The following INPP4B variants were observed in gnomAD, a reference collection of about 807,000 sequenced individuals.
The protein encoded by INPP4B is inositol polyphosphate-4-phosphatase type II B.
In INPP4B, 55 loss-of-function variants were observed where a neutral mutation model predicts 122.5. That is an observed-to-expected ratio of 0.45 (90% CI 0.36 to 0.56). The LOEUF (loss-of-function observed/expected upper bound fraction) is 0.56. Among genes scored for constraint, INPP4B ranks in the 20% least tolerant of loss-of-function variants. The probability of loss-of-function intolerance (pLI) is 0.00; values close to 1 mark genes in which losing one functional copy is unlikely to be tolerated. For missense variants in INPP4B, 1,000 were observed against 1,097.7 expected (o/e 0.91, Z 1.26); for synonymous variants, 403 against 388.7 (o/e 1.04, Z -0.43).
At chr4:142,162,901 T>C (rs1820802006) in intron 16 of INPP4B, among the ~76,000 whole-genome samples, 1 of 151,914 alleles carries the variant, frequency 6.6e-6, no homozygotes, top group Non-Finnish European at 1.5e-5. Flanking sequence ...GGAAACTCTC[T>C]GGATCACCAG....
chr4:142,673,836 A>G (rs557385823), intron 2 of INPP4B, among the ~76,000 whole-genome samples: 351 of 152,246 alleles, frequency 2.3e-3, no homozygotes, highest in African/African-American at 7.8e-3. Context: ...AGAAAGAGCT[A>G]TTCCTAGATG....
chr4:142,371,645 CAAAAG>C (rs1236163783), intron 7 of INPP4B, among the ~76,000 whole-genome samples: 1 of 151,758 alleles, frequency 6.6e-6, no homozygotes, highest in African/African-American at 2.4e-5. Context: ...AGACATTTCT[CAAAAG>C]AAGACAAATT....
chr4:142,232,379 T>G (rs1854774922), intron 12 of INPP4B, among the ~76,000 whole-genome samples: 1 of 152,170 alleles, frequency 6.6e-6, no homozygotes, highest in South Asian at 2.1e-4. Flanking sequence ...TTAGAACTGT[T>G]GCAATGTTTT....
chr4:142,081,464 T>C (rs1773870762), intron 25 of INPP4B, among the ~76,000 whole-genome samples: 1 of 152,146 alleles, frequency 6.6e-6, no homozygotes. Flanking sequence ...AGAGTAACCA[T>C]ATTAATTCTC....
In INPP4B at chr4:142,123,257, A is replaced by AATGTGAT. The variant is rs780465374; in HGVS notation, c.2017+28_2017+34dup. On this transcript the variant is annotated intron_variant, in intron 20 of 25. Transcript: ENST00000262992. ...TGGATTAAATGTCCTTCTGAATAGA[A>AATGTGAT]ATGTGATTTTAACTTGTACTAAAGC... 7 of 1,505,152 alleles carry AATGTGAT rather than the reference A, an allele frequency of 4.7e-6. No individual in the cohort carries two copies. The African/African-American group carries it at 9.8e-5, about 21-fold the overall frequency. 93.2% of individuals were successfully genotyped at this position (1,505,152 alleles called of 1,614,324 possible).
chr4:142,209,004 C>A lies in INPP4B; in HGVS notation c.859G>T (p.Gly287Cys). Residue 287 changes from glycine (G) to cysteine (C), a missense_variant, in exon 13 of 26, where the codon GGT (glycine) becomes TGT (cysteine). By Grantham distance (159) the Gly-to-Cys change is radical. Coordinates refer to ENST00000262992, the MANE Select transcript of INPP4B (RefSeq NM_001101669.3). Reference sequence around the variant, plus strand: ...TTGTCCCAATGTGGAGAAAGCTCACCAAGTTCTTTTATCTCCTGGTTTCTG... The same window carrying A: ...TTGTCCCAATGTGGAGAAAGCTCACAAAGTTCTTTTATCTCCTGGTTTCTG... ...LCRNQEIKEL[G>C]ELSPHWDNLR... is the part of the protein sequence containing the mutation. The A allele has an allele frequency of 4.4e-6, 7 of 1,603,264 alleles. No homozygotes were observed. The highest frequency in any genetic ancestry group is 4.3e-6 in the Non-Finnish European group (5 of 1,173,230).
chr4:142,338,224 T>C (rs1220107004), intron 7 of INPP4B, among the ~76,000 whole-genome samples: 1 of 145,824 alleles, frequency 6.9e-6, no homozygotes, highest in East Asian at 2.2e-4. Flanking sequence ...TATCCAAGTG[T>C]ACTTGGCAAC....
chr4:142,076,580 G>A (rs1770816019), intron 25 of INPP4B, among the ~76,000 whole-genome samples: 1 of 151,914 alleles, frequency 6.6e-6, no homozygotes, highest in Non-Finnish European at 1.5e-5. Flanking sequence ...CAAGGGAGGA[G>A]ACAATACTTA....
At chr4:142,726,835 T>C (rs1765401949) in intron 1 of INPP4B, among the ~76,000 whole-genome samples, 1 of 152,214 alleles carries the variant, frequency 6.6e-6, no homozygotes. Context: ...ATTTTTCATC[T>C]GTAATATGGG....
intron 15 of INPP4B, among the ~76,000 whole-genome samples, chr4:142,181,300 T>C (rs896676651): frequency 6.6e-6 from 1 of 152,204 alleles, no homozygotes; most frequent in African/African-American, 2.4e-5. Flanking sequence ...GATTGCAGAA[T>C]GTTTTTGTTA....
In INPP4B at chr4:142,338,131, A is replaced by G. The variant is rs2151646273; in HGVS notation, c.373-23369T>C. 1.3e-5 allele frequency among the ~76,000 whole-genome samples: 2 copies of G among 152,294 alleles called. 1 individual carries two copies. Among genetic ancestry groups the G allele is most frequent in the South Asian group, 4.1e-4 (2 of 4,826 alleles). On this transcript the variant is annotated intron_variant, in intron 7 of 25. Transcript: ENST00000262992. ...GTGTCTGAAACTTTCCCTTACACAG[A>G]ACCCCTATACCTAGTACTGATGTAT... is the stretch of plus-strand genomic sequence containing the variant.
chr4:142,737,790 T>G (rs1220693561), intron 1 of INPP4B, among the ~76,000 whole-genome samples: 1 of 152,018 alleles, frequency 6.6e-6, no homozygotes, highest in Non-Finnish European at 1.5e-5. Context: ...CATCAAAAAG[T>G]GAGCGAAGGA....
intron 2 of INPP4B, among the ~76,000 whole-genome samples, chr4:142,560,238 A>C (rs186647670): frequency 6.6e-4 from 100 of 152,280 alleles, no homozygotes; most frequent in African/African-American, 2.4e-3. Flanking sequence ...AAGCATGCTG[A>C]GCCGGAAAAG....
At chr4:142,791,655 C>T (rs1051681609) in intron 1 of INPP4B, among the ~76,000 whole-genome samples, 2 of 151,992 alleles carry the variant, frequency 1.3e-5, no homozygotes, top group African/African-American at 4.8e-5. Flanking sequence ...CCATATCTTC[C>T]TACATAAGAA....
chr4:142,299,404 C>T (rs1220121899), intron 9 of INPP4B, among the ~76,000 whole-genome samples: 1 of 152,044 alleles, frequency 6.6e-6, no homozygotes, highest in Non-Finnish European at 1.5e-5. Context: ...ATCCTCTTGC[C>T]TCGGCCTTCT....
intron 1 of INPP4B, among the ~76,000 whole-genome samples, chr4:142,745,173 A>G (rs925956720): frequency 6.6e-6 from 1 of 151,828 alleles, no homozygotes; most frequent in African/African-American, 2.4e-5. Context: ...GAATTTTTTA[A>G]AAGAGCTAAG....
At chr4:142,370,288 T>C (rs190397705) in intron 7 of INPP4B, among the ~76,000 whole-genome samples, 300 of 152,300 alleles carry the variant, frequency 2.0e-3, no homozygotes, top group African/African-American at 6.9e-3. Context: ...CCCACTCTCA[T>C]GAAGCACACT....
chr4:142,329,240 T>C (rs1444052485), intron 7 of INPP4B, among the ~76,000 whole-genome samples: 1 of 152,228 alleles, frequency 6.6e-6, no homozygotes, highest in African/African-American at 2.4e-5. Flanking sequence ...TGGGTTTCCC[T>C]GAGCAGGTAA....
chr4:142,737,192 G>C (rs1281529073), intron 1 of INPP4B, among the ~76,000 whole-genome samples: 6 of 151,868 alleles, frequency 4.0e-5, no homozygotes, highest in East Asian at 1.9e-4. Context: ...GGAGGCATCA[G>C]GCTACCTGAC....
Sources: gnomAD v4.1 joint callset for allele counts (sites outside exome capture counted in the v4.1 genomes callset) on GRCh38, gnomAD v4.1.1 for gene constraint, MANE v1.5 for transcripts, NCBI Gene and HGNC (gene_info 2026-07-23, HGNC 2026-07-21) for gene names.